The following SYNE2 variants were observed in gnomAD, a reference collection of about 807,000 sequenced individuals.
The protein encoded by SYNE2 is nesprin-2.
In SYNE2, 431 loss-of-function variants were observed where a neutral mutation model predicts 856.3. The observed-to-expected ratio is 0.50, with a 90% CI of 0.47 to 0.55. The LOEUF is 0.55. SYNE2 is among the 20% of genes least tolerant of loss of function. The pLI is 0.00. For missense variants in SYNE2, 8,129 were observed against 8,023.2 expected (o/e 1.01, Z -0.50); for synonymous variants, 2,923 against 2,872.3 (o/e 1.02, Z -0.56).
chr14:63,985,927 G>A (rs2096622135), intron 18 of SYNE2, among the ~76,000 whole-genome samples: 2 of 152,136 alleles, frequency 1.3e-5, no homozygotes, highest in African/African-American at 4.8e-5. Flanking sequence ...AGGATCACTT[G>A]AGCCTGGGAG....
chr14:64,025,247 G>A lies in SYNE2; in HGVS notation c.6078G>A (p.Leu2026=), dbSNP rs760943602. ...TCLMDRYQTL[L]RQLSEIEEED... The stretch of plus-strand genomic sequence containing the variant: ...TGATGGATAGATACCAGACATTACT[G>A]AGACAACTAAGTGAAATCGAGGAAG... The change falls in exon 41 of 116, where the codon CTG becomes CTA. Residue 2026 remains leucine (L), a synonymous_variant. Transcript: ENST00000555002. 3.1e-6 allele frequency: 5 copies of A among 1,613,958 alleles called. No individual in the cohort carries two copies. In the Admixed American group the frequency reaches 5.0e-5, roughly 16 times the overall value.
chr14:63,941,576 A>G (rs571352196), intron 3 of SYNE2, 119 bp from the exon 4 acceptor site: 1 of 800,910 alleles, frequency 1.2e-6, no homozygotes, highest in African/African-American at 1.7e-5. Flanking sequence ...TCATTCTCTT[A>G]ATTAAGAAGA....
rs775876760 is a variant in SYNE2 at position 64,125,119 on chromosome 14, A to G, written c.13463A>G (p.Tyr4488Cys). 6 of 1,614,206 alleles carry G rather than the reference A, an allele frequency of 3.7e-6. No homozygotes were observed. Among genetic ancestry groups the G allele is most frequent in the African/African-American group, 1.3e-5 (1 of 75,060 alleles). ...NMGILPSVTM[Y>C]NFRYPTTEEL... is the part of the protein sequence containing the mutation. ...GGTATTCTACCCAGCGTGACTATGT[A>G]TAACTTTAGATACCCAACAACTGAA... The change falls in exon 71 of 116, where the codon TAT (tyrosine) becomes TGT (cysteine). Residue 4488 changes from tyrosine to cysteine, a missense_variant. Tyr to Cys is a radical substitution (Grantham distance 194). Around this residue, in one of 3 missense-constraint regions of SYNE2, gnomAD observed 5,410 missense variants for 5,284.8 expected, o/e 1.02. Coordinates refer to ENST00000555002, the MANE Select transcript of SYNE2 (RefSeq NM_182914.3).
intron 114 of SYNE2, 160 bp from the exon 115 acceptor site, chr14:64,224,839 A>G: frequency 1.3e-6 from 1 of 761,748 alleles, no homozygotes; most frequent in Middle Eastern, 3.5e-4. Flanking sequence ...TTCCTACTTC[A>G]GGTGACGTTT....
chr14:63,890,183 C>T (rs1393482845), intron 1 of SYNE2, among the ~76,000 whole-genome samples: 2 of 151,708 alleles, frequency 1.3e-5, no homozygotes, highest in Non-Finnish European at 1.5e-5. Context: ...CCACCTCAGG[C>T]TCCCAAGTAG....
chr14:64,077,908 G>T (rs1371940308), intron 54 of SYNE2, among the ~76,000 whole-genome samples: 2 of 152,092 alleles, frequency 1.3e-5, no homozygotes, highest in Non-Finnish European at 2.9e-5. Context: ...TCTACAAATG[G>T]TTACACAGAG....
intron 33 of SYNE2, among the ~76,000 whole-genome samples, chr14:64,017,197 T>C (rs1243226668): frequency 6.6e-6 from 1 of 151,462 alleles, no homozygotes; most frequent in Non-Finnish European, 1.5e-5. Context: ...GGCATGGTGG[T>C]GCATGCCTGT....
intron 61 of SYNE2, among the ~76,000 whole-genome samples, chr14:64,095,959 C>T (rs1177522113): frequency 6.6e-6 from 1 of 152,100 alleles, no homozygotes; most frequent in African/African-American, 2.4e-5. Flanking sequence ...GGAGGGAGTC[C>T]ACCCATTTTT....
intron 1 of SYNE2, among the ~76,000 whole-genome samples, chr14:63,829,661 G>A (rs1488927095): frequency 6.6e-6 from 1 of 151,916 alleles, no homozygotes; most frequent in African/African-American, 2.4e-5. Context: ...TGTTGCCCAG[G>A]CTGGGGTGTA....
intron 99 of SYNE2, among the ~76,000 whole-genome samples, chr14:64,200,757 G>A (rs571173406): frequency 6.6e-6 from 1 of 151,542 alleles, no homozygotes; most frequent in East Asian, 1.9e-4. Context: ...GAGGCATTCT[G>A]CCTTTCACAT....
chr14:63,990,812 T>A (rs2096661071), intron 20 of SYNE2, 130 bp from the exon 21 acceptor site: 1 of 823,602 alleles, frequency 1.2e-6, no homozygotes, highest in South Asian at 1.6e-5. Context: ...ATAATTTAGA[T>A]AGATTTATCA....
At chr14:63,902,969 C>T (rs2095358969) in intron 1 of SYNE2, among the ~76,000 whole-genome samples, 1 of 152,122 alleles carries the variant, frequency 6.6e-6, no homozygotes, top group South Asian at 2.1e-4. Context: ...TGAGCCACTG[C>T]ACCTGGCCTT....
rs751492657 is a variant in SYNE2, at chr14:64,049,622, C to A, written c.7389C>A (p.Thr2463=). The A allele has an allele frequency of 1.2e-6, 2 of 1,613,472 alleles. No individual in the cohort carries two copies. Among genetic ancestry groups the A allele is most frequent in the Non-Finnish European group, 1.7e-6 (2 of 1,179,862 alleles). ...TGACTTATTTTTAGAAATTATATAC[C>A]CAGTTGGAAGCAAAGAAAGCAGCCA... ...EQLEEIEKLY[T]QLEAKKAAIK... Residue 2463 remains threonine (T), a synonymous_variant, in exon 47 of 116, where the codon ACC becomes ACA. Transcript: ENST00000555002.
chr14:64,041,543 A>T (rs1389863663), intron 45 of SYNE2, among the ~76,000 whole-genome samples: 2 of 152,228 alleles, frequency 1.3e-5, no homozygotes, highest in Non-Finnish European at 2.9e-5. Flanking sequence ...TCGTATGTCC[A>T]ATGAACATAT....
At chr14:64,127,248 A>G (rs1469689476) in intron 73 of SYNE2, among the ~76,000 whole-genome samples, 1 of 151,718 alleles carries the variant, frequency 6.6e-6, no homozygotes, top group Non-Finnish European at 1.5e-5. Context: ...GCGGCAGAGC[A>G]AGACTCCATC....
At chr14:63,784,055 G>A (rs1475207017) in intron 1 of SYNE2, among the ~76,000 whole-genome samples, 2 of 152,170 alleles carry the variant, frequency 1.3e-5, no homozygotes, top group Non-Finnish European at 2.9e-5. Flanking sequence ...AAATATACAT[G>A]TGCATATATG....
intron 109 of SYNE2, among the ~76,000 whole-genome samples, chr14:64,218,828 C>G (rs1772724203): frequency 1.3e-5 from 2 of 152,218 alleles, no homozygotes; most frequent in South Asian, 4.1e-4. Context: ...TCAAGTGTCT[C>G]TTCATTCGAC....
intron 1 of SYNE2, among the ~76,000 whole-genome samples, chr14:63,877,213 G>A (rs1480559613): frequency 6.6e-6 from 1 of 152,096 alleles, no homozygotes; most frequent in Non-Finnish European, 1.5e-5. Flanking sequence ...AGACAAAAAG[G>A]TGCACCATGA....
chr14:64,185,519 C>CTTTTTCTT (rs1270669581), intron 96 of SYNE2, among the ~76,000 whole-genome samples: 1 of 77,478 alleles, frequency 1.3e-5, no homozygotes, highest in African/African-American at 5.3e-5. Context: ...TTTTCTTTTT[C>CTTTTTCTT]TTTTTTTTTT....
Sources: allele counts gnomAD v4.1 joint callset (sites outside exome capture counted in the v4.1 genomes callset), GRCh38; gene constraint gnomAD v4.1.1; regional missense constraint gnomAD v4.1.1; transcripts MANE v1.5; gene names NCBI Gene and HGNC (gene_info 2026-07-23, HGNC 2026-07-21).